The following SPDYA variants were observed in gnomAD, a reference collection of about 807,000 sequenced individuals.
SPDYA encodes speedy/RINGO cell cycle regulator family member A.
In SPDYA, 11 loss-of-function variants were observed where a neutral mutation model predicts 36.7. That is an observed-to-expected ratio of 0.30 (90% CI 0.19 to 0.50). SPDYA has a LOEUF of 0.50. SPDYA is among the 20% of genes least tolerant of loss of function. SPDYA has a pLI of 0.98. For synonymous variants in SPDYA, 115 were observed against 118.7 expected, an observed-to-expected ratio of 0.97 and a Z score of 0.20; for missense variants, 287 against 370.9, an observed-to-expected ratio of 0.77 and a Z score of 1.86.
intron 1 of SPDYA, among the ~76,000 whole-genome samples, chr2:28,814,257 A>G (rs1667928532): frequency 6.6e-6 from 1 of 152,228 alleles, no homozygotes; most frequent in Admixed American, 6.5e-5. Flanking sequence ...TTCATTTTTA[A>G]AAATAGGACT....
At chr2:28,837,389 T>C (rs1668630463) in intron 6 of SPDYA, among the ~76,000 whole-genome samples, 1 of 152,254 alleles carries the variant, frequency 6.6e-6, no homozygotes, top group East Asian at 1.9e-4. Flanking sequence ...AGAAGCAAAC[T>C]GGATTCTTTG....
intron 6 of SPDYA, among the ~76,000 whole-genome samples, chr2:28,835,629 C>A (rs909041919): frequency 1.3e-5 from 2 of 152,154 alleles, no homozygotes; most frequent in Non-Finnish European, 2.9e-5. Context: ...AATGGAACTT[C>A]CAATTCTTTT....
At chr2:28,823,645 A>G (rs1459558596) in intron 5 of SPDYA, among the ~76,000 whole-genome samples, 1 of 136,252 alleles carries the variant, frequency 7.3e-6, no homozygotes, top group East Asian at 2.1e-4. Context: ...AAAAAAAAAG[A>G]GTATATTTCC....
intron 2 of SPDYA, among the ~76,000 whole-genome samples, chr2:28,815,732 G>T (rs1179339001): frequency 6.6e-6 from 1 of 152,102 alleles, no homozygotes; most frequent in African/African-American, 2.4e-5. Flanking sequence ...TTTCAAATTT[G>T]GTCGAGTTCT....
chr2:28,830,586 A>C (rs577614141), intron 6 of SPDYA, among the ~76,000 whole-genome samples: 1 of 152,190 alleles, frequency 6.6e-6, no homozygotes, highest in Non-Finnish European at 1.5e-5. Flanking sequence ...GAACAAACCA[A>C]AATATCTTAT....
intron 7 of SPDYA, among the ~76,000 whole-genome samples, chr2:28,845,249 CTTTT>C (rs372229883): frequency 3.8e-5 from 5 of 132,574 alleles, no homozygotes; most frequent in South Asian, 2.4e-4. Flanking sequence ...CCATGCCCAG[CTTTT>C]TTTTTTTTTT....
intron 5 of SPDYA, 21 bp from the exon 6 acceptor site, chr2:28,829,127 G>T (rs1267233373): frequency 1.3e-6 from 2 of 1,593,546 alleles, no homozygotes; most frequent in Admixed American, 1.8e-5. Flanking sequence ...TTCTTTTTTG[G>T]GTTGTGATCT....
rs1418615780 is a variant in SPDYA, at chr2:28,811,590, G to A, written c.-93+643G>A. ...AATCTTTTAAAAAGCCTTATGCCGA[G>A]TTGGGCGAATCCTTGAGGCCAGGAT... On this transcript the variant is annotated intron_variant, in intron 1 of 7. Coordinates refer to ENST00000334056, the MANE Select transcript of SPDYA (RefSeq NM_182756.4). This position sits in a 1 kb window ranked among gnomAD's most constrained non-coding sequence, Gnocchi z 4.2. 6.6e-6 allele frequency among the ~76,000 whole-genome samples: 1 copy of A among 151,994 alleles called. No homozygotes were observed. The highest frequency in any genetic ancestry group is 1.5e-5 in the Non-Finnish European group (1 of 68,024).
intron 5 of SPDYA, among the ~76,000 whole-genome samples, chr2:28,826,936 TTTTCTTTTC>T (rs1387987221): frequency 1.3e-5 from 2 of 149,746 alleles, no homozygotes; most frequent in Admixed American, 6.7e-5. Flanking sequence ...CTATTTTCTT[TTTTCTTTTC>T]TTTCTTTTTT....
chr2:28,826,792 T>G (rs1405938247), intron 5 of SPDYA, among the ~76,000 whole-genome samples: 3 of 151,178 alleles, frequency 2.0e-5, no homozygotes, highest in African/African-American at 4.9e-5. Context: ...TTTTTGTATT[T>G]TTTTGTAGAG....
At chr2:28,812,226 T>G (rs1277147127) in intron 1 of SPDYA, among the ~76,000 whole-genome samples, 1 of 152,194 alleles carries the variant, frequency 6.6e-6, no homozygotes, top group Non-Finnish European at 1.5e-5. Context: ...AACACATTCA[T>G]CAGTGTCTGG....
At chr2:28,827,237 G>A (rs948252180) in intron 5 of SPDYA, among the ~76,000 whole-genome samples, 4 of 152,052 alleles carry the variant, frequency 2.6e-5, no homozygotes, top group Admixed American at 6.6e-5. Context: ...ACCGAGCCGG[G>A]CCAATCTTTG....
rs538193996 is a variant in SPDYA, at chr2:28,840,573, A to G, written c.850+104A>G. On this transcript the variant is annotated intron_variant, in intron 7 of 7. Coordinates refer to ENST00000334056, the MANE Select transcript of SPDYA (RefSeq NM_182756.4). ...ACATAATAATTTATATACTCCAACA[A>G]TATGAGTTAAATTAATCTTGAAACT... 5 of 1,463,236 alleles carry G rather than the reference A, an allele frequency of 3.4e-6. No homozygotes were observed. In the African/African-American group the frequency reaches 7.2e-5, roughly 21 times the overall value. The allele number at this position is 1,463,236 out of a possible 1,614,324, so 90.6% of individuals were successfully genotyped here.
chr2:28,835,271 G>T (rs1269446145), intron 6 of SPDYA, among the ~76,000 whole-genome samples: 1 of 150,830 alleles, frequency 6.6e-6, no homozygotes, highest in Non-Finnish European at 1.5e-5. Context: ...TGTCACCCAG[G>T]CTGGAGTGCA....
At chr2:28,829,397 CTAA>C in intron 6 of SPDYA, 78 bp downstream of exon 6, 1 of 1,364,138 alleles carries the variant, frequency 7.3e-7, no homozygotes, top group Non-Finnish European at 9.9e-7. Flanking sequence ...TAATGTGCTT[CTAA>C]TGTTTTGGTA....
intron 7 of SPDYA, among the ~76,000 whole-genome samples, chr2:28,844,705 G>A (rs911253529): frequency 3.3e-5 from 5 of 152,024 alleles, no homozygotes; most frequent in Non-Finnish European, 5.9e-5. Flanking sequence ...AGGCCGAGGC[G>A]GGTGGATCAC....
chr2:28,821,494 C>T (rs1211299985), intron 4 of SPDYA, among the ~76,000 whole-genome samples: 1 of 152,082 alleles, frequency 6.6e-6, no homozygotes. Context: ...AGCCACTGCG[C>T]CCGTCAGGAA....
intron 1 of SPDYA, among the ~76,000 whole-genome samples, chr2:28,812,929 C>G (rs1572484562): frequency 6.6e-6 from 1 of 151,314 alleles, no homozygotes. Context: ...CTCCTTCTTT[C>G]CCTATCTCTT....
rs573724918 is a variant in SPDYA, at chr2:28,830,200, C to CTT, written c.552+901_552+902dup. ...GAGCAGCCTACTTCTATAGTAAGTA[C>CTT]TTTTTTTTTTTTTTTTTTTTTGAGA... On this transcript the variant is annotated intron_variant, in intron 6 of 7. Transcript: ENST00000334056. Among the ~76,000 whole-genome samples, 166 of 108,738 alleles carry CTT rather than the reference C, an allele frequency of 1.5e-3. 2 individuals are homozygous for CTT. The highest frequency in any genetic ancestry group is 8.7e-3 in the East Asian group (33 of 3,796). The allele number at this position is 108,738 out of a possible 152,430, so 71.3% of individuals were successfully genotyped here.
Sources: allele counts gnomAD v4.1 joint callset (sites outside exome capture counted in the v4.1 genomes callset), GRCh38; gene constraint gnomAD v4.1.1; non-coding constraint Gnocchi (gnomAD v3.1); transcripts MANE v1.5; gene names NCBI Gene and HGNC (gene_info 2026-07-23, HGNC 2026-07-21).